The following VAV1 variants were observed in gnomAD, a reference collection of about 807,000 sequenced individuals.
The protein encoded by VAV1 is proto-oncogene vav.
Under a neutral mutation model 128.1 loss-of-function variants are expected in VAV1, and 33 were observed. The ratio of observed to expected loss-of-function variants is 0.26; its 90% CI spans 0.20 to 0.34. VAV1 has a LOEUF of 0.34. Ranked by LOEUF, VAV1 falls within the 10% of genes least tolerant of loss-of-function variation. VAV1 has a pLI of 1.00. For synonymous variants in VAV1, 394 were observed against 409.8 expected (o/e 0.96, Z 0.47); for missense variants, 715 against 1,093.7 (o/e 0.65, Z 4.88).
intron 23 of VAV1, among the ~76,000 whole-genome samples, chr19:6,849,925 ATT>A (rs1972623704): frequency 6.6e-6 from 1 of 152,064 alleles, no homozygotes; most frequent in African/African-American, 2.4e-5. Context: ...TGGTAGCACA[ATT>A]ACTTTTTCCT....
chr19:6,822,600 G>C lies in VAV1; in HGVS notation c.654+86G>C, dbSNP rs1971821502. On this transcript the variant is annotated intron_variant, in intron 6 of 26. Coordinates refer to ENST00000602142, the MANE Select transcript of VAV1 (RefSeq NM_005428.4). The surrounding 1 kb of genome is among the most constrained non-coding windows in gnomAD (Gnocchi z 5.9). ...ACGTCCACCTGTCCGGCCGCTCTGG[G>C]CAGCTGAGGATTTCCTGCTCCCATC... 1 of 1,223,312 alleles carries C rather than the reference G, an allele frequency of 8.2e-7. No homozygotes were observed. The highest frequency in any genetic ancestry group is 2.3e-5 in the Admixed American group (1 of 42,652). 75.8% of individuals were successfully genotyped at this position (1,223,312 alleles called of 1,614,324 possible). A position where few individuals can be genotyped will look rare whatever the true frequency, so the allele number is the denominator to read the frequency against.
Position 6,833,583 on chromosome 19 carries a change from G to C in VAV1, c.1666G>C (p.Glu556Gln). ...CHRCRASAHK[E>Q]CLGRVPPCGR... ...TCGGTGCCGGGCATCTGCACACAAG[G>C]AGTGTCTGGGGAGGGTCCCTCCATG... Residue 556 changes from glutamate (E) to glutamine (Q), a missense_variant, in exon 17 of 27, where the codon GAG (glutamate) becomes CAG (glutamine). Physicochemically the swap from Glu to Gln is conservative, Grantham distance 29. Transcript: ENST00000602142. The C allele has an allele frequency of 6.2e-7, 1 of 1,613,674 alleles. No individual in the cohort carries two copies. Among genetic ancestry groups the C allele is most frequent in the Non-Finnish European group, 8.5e-7 (1 of 1,179,732 alleles).
At chr19:6,779,689 C>T (rs1169013317) in intron 1 of VAV1, among the ~76,000 whole-genome samples, 3 of 148,084 alleles carry the variant, frequency 2.0e-5, no homozygotes, top group South Asian at 2.2e-4. Flanking sequence ...AGTGTGACCT[C>T]GTCTCTATAA....
intron 1 of VAV1, among the ~76,000 whole-genome samples, chr19:6,803,481 G>A (rs543272511): frequency 9.9e-5 from 15 of 152,248 alleles, no homozygotes; most frequent in African/African-American, 3.4e-4. Flanking sequence ...AATTTGGTCC[G>A]TTGTCTGAGC....
At chr19:6,805,872 C>T (rs369713533) in intron 1 of VAV1, among the ~76,000 whole-genome samples, 1 of 151,884 alleles carries the variant, frequency 6.6e-6, no homozygotes, top group Admixed American at 6.6e-5. Flanking sequence ...GAAGGAAGAT[C>T]AGCCTGGAGT....
In VAV1 at chr19:6,814,637, CTCCTTCCTTCCTTCCT is replaced by C. The variant is rs1169076080; in HGVS notation, c.205-6043_205-6028del. On this transcript the variant is annotated intron_variant, in intron 1 of 26. Coordinates refer to ENST00000602142, the MANE Select transcript of VAV1 (RefSeq NM_005428.4). The stretch of plus-strand genomic sequence containing the variant: ...TTCTTTCTTTCTTTCTTTTCTTTCT[CTCCTTCCTTCCTTCCT>C]TCCTTCCTTCCTTCCTTCCTTTCTT... 8.7e-4 allele frequency among the ~76,000 whole-genome samples: 71 copies of C among 82,074 alleles called. 3 individuals are homozygous for C. The highest frequency in any genetic ancestry group is 4.2e-3 in the African/African-American group (64 of 15,396). The allele number at this position is 82,074 out of a possible 152,430, so 53.8% of individuals were successfully genotyped here. A position where few individuals can be genotyped will look rare whatever the true frequency, so the allele number is the denominator to read the frequency against.
chr19:6,847,253 G>A (rs1203928192), intron 22 of VAV1, among the ~76,000 whole-genome samples: 1 of 152,116 alleles, frequency 6.6e-6, no homozygotes, highest in African/African-American at 2.4e-5. Context: ...CGCCATCACT[G>A]CCGTTTAGCT....
intron 19 of VAV1, among the ~76,000 whole-genome samples, chr19:6,834,188 G>A (rs866376768): frequency 1.1e-4 from 17 of 151,540 alleles, no homozygotes; most frequent in East Asian, 9.6e-4. Context: ...GTCTTGCTAC[G>A]TTGCCCAGCC....
rs147454364 is a variant in VAV1 at position 6,777,203 on chromosome 19, A to G, written c.204+4192A>G. On this transcript the variant is annotated intron_variant, in intron 1 of 26. Transcript: ENST00000602142. This position sits in a 1 kb window ranked among gnomAD's most constrained non-coding sequence, Gnocchi z 4.4. Reference sequence around the variant, plus strand: ...TATCCATTCATCTACCCATCCATCCATTCATTCATCCATCCATTTATCTGT... The same window carrying G: ...TATCCATTCATCTACCCATCCATCCGTTCATTCATCCATCCATTTATCTGT... Among the ~76,000 whole-genome samples, 46 of 150,918 alleles carry G rather than the reference A, an allele frequency of 3.0e-4. No homozygotes were observed. The highest frequency in any genetic ancestry group is 1.1e-3 in the African/African-American group (45 of 40,994).
Position 6,772,975 on chromosome 19 carries a change from C to T in VAV1, c.168C>T (p.Asn56=), listed in dbSNP as rs144646579. The part of the protein sequence containing the change: ...LLNNLLPHAI[N]LREVNLRPQM... ...ACAACCTGCTACCCCATGCCATCAA[C>T]CTGCGTGAGGTCAACCTGCGCCCCC... is the stretch of plus-strand genomic sequence containing the variant. Residue 56 remains asparagine, a synonymous_variant, in exon 1 of 27, where the codon AAC becomes AAT. Coordinates refer to ENST00000602142, the MANE Select transcript of VAV1 (RefSeq NM_005428.4). This position sits in a 1 kb window ranked among gnomAD's most constrained non-coding sequence, Gnocchi z 4.8. 1,012 of 1,614,024 alleles carry T rather than the reference C, an allele frequency of 6.3e-4. No homozygotes were observed. Among genetic ancestry groups the T allele is most frequent in the Non-Finnish European group, 8.3e-4 (979 of 1,180,004 alleles).
At chr19:6,795,503 T>A (rs544576755) in intron 1 of VAV1, among the ~76,000 whole-genome samples, 15 of 144,750 alleles carry the variant, frequency 1.0e-4, no homozygotes, top group Non-Finnish European at 2.1e-4. Context: ...TTGAATTAAT[T>A]TTATTTATAA....
intron 1 of VAV1, among the ~76,000 whole-genome samples, chr19:6,788,032 C>A (rs1236847163): frequency 2.0e-5 from 3 of 151,844 alleles, no homozygotes. Flanking sequence ...AGCCGAGATC[C>A]CGCCACTGCA....
chr19:6,834,339 G>A (rs1972166359), intron 19 of VAV1, among the ~76,000 whole-genome samples: 1 of 151,058 alleles, frequency 6.6e-6, no homozygotes, highest in South Asian at 2.1e-4. Flanking sequence ...CACCTCCCAA[G>A]TTCAAGCGAT....
At chr19:6,829,045 T>A (rs1599662501) in intron 13 of VAV1, 145 bp downstream of exon 13, 1 of 915,666 alleles carries the variant, frequency 1.1e-6, no homozygotes, top group Non-Finnish European at 1.6e-6. Context: ...GACAGGTGGG[T>A]GGAGTCGACA....
Position 6,822,567 on chromosome 19 carries a change from G to A in VAV1, c.654+53G>A, listed in dbSNP as rs997002652. The A allele has an allele frequency of 5.3e-6, 8 of 1,497,554 alleles. No homozygotes were observed. The African/African-American group carries it at 8.3e-5, about 16-fold the overall frequency. 92.8% of individuals were successfully genotyped at this position (1,497,554 alleles called of 1,614,324 possible). A position where few individuals can be genotyped will look rare whatever the true frequency, so the allele number is the denominator to read the frequency against. ...GGGCGCATGCGCGGGAGCTGGGCCG[G>A]CAGGTGCACGTCCACCTGTCCGGCC... is the stretch of plus-strand genomic sequence containing the variant. On this transcript the variant is annotated intron_variant, in intron 6 of 26. Transcript: ENST00000602142. The surrounding 1 kb of genome is among the most constrained non-coding windows in gnomAD (Gnocchi z 5.9).
intron 1 of VAV1, among the ~76,000 whole-genome samples, chr19:6,790,555 C>A (rs149712876): frequency 1.3e-5 from 2 of 152,294 alleles, no homozygotes; most frequent in Non-Finnish European, 2.9e-5. Flanking sequence ...CCAGGACAGG[C>A]GAGCCCCTAG....
chr19:6,790,218 A>G (rs951365765), intron 1 of VAV1, among the ~76,000 whole-genome samples: 1 of 152,160 alleles, frequency 6.6e-6, no homozygotes, highest in Non-Finnish European at 1.5e-5. Flanking sequence ...GGAGAGGAAG[A>G]GGGGAGGAAG....
In VAV1 at chr19:6,795,630, A is replaced by T. The variant is rs960263295; in HGVS notation, c.204+22619A>T. Among the ~76,000 whole-genome samples the T allele has an allele frequency of 2.6e-5, 4 of 152,204 alleles. No homozygotes were observed. The East Asian group carries it at 7.7e-4, about 29-fold the overall frequency. Reference sequence around the variant, plus strand: ...GTCCTGGCACAGGGTGGCACGTCTTAGCTCTACTGGTCCTGCTGGTTTTGG... The same window carrying T: ...GTCCTGGCACAGGGTGGCACGTCTTTGCTCTACTGGTCCTGCTGGTTTTGG... On this transcript the variant is annotated intron_variant, in intron 1 of 26. Transcript: ENST00000602142.
intron 1 of VAV1, among the ~76,000 whole-genome samples, chr19:6,782,036 A>G (rs1970776454): frequency 6.6e-6 from 1 of 152,228 alleles, no homozygotes; most frequent in South Asian, 2.1e-4. Context: ...GGAAATCTAT[A>G]AAATGAGAAT....
Sources: allele counts gnomAD v4.1 joint callset (sites outside exome capture counted in the v4.1 genomes callset), GRCh38; gene constraint gnomAD v4.1.1; non-coding constraint Gnocchi (gnomAD v3.1); transcripts MANE v1.5; gene names NCBI Gene and HGNC (gene_info 2026-07-23, HGNC 2026-07-21).